Variants in PCDHGA6 observed in about 807,000 individuals in gnomAD.
PCDHGA6 encodes the protein protocadherin gamma subfamily A, 6.
A neutral mutation model predicts 60.6 loss-of-function variants in PCDHGA6; 41 were observed. The ratio of observed to expected loss-of-function variants is 0.68; its 90% CI spans 0.53 to 0.88. The LOEUF is 0.88. Ranked by LOEUF, PCDHGA6 falls within the 40% of genes least tolerant of loss-of-function variation. The probability of loss-of-function intolerance (pLI) is 0.00; values close to 1 mark genes in which losing one functional copy is unlikely to be tolerated. For synonymous variants in PCDHGA6, 594 were observed against 524.4 expected, an observed-to-expected ratio of 1.13 and a Z score of -1.81; for missense variants, 1,312 against 1,203.0, an observed-to-expected ratio of 1.09 and a Z score of -1.34.
chr5:141,492,106 C>T (rs1265796740), intron 1 of PCDHGA6, among the ~76,000 whole-genome samples: 2 of 152,238 alleles, frequency 1.3e-5, no homozygotes, highest in South Asian at 2.1e-4. Flanking sequence ...TGTAGATTTC[C>T]TCTTCGATTT....
chr5:141,474,703 C>A (rs2099353282), intron 1 of PCDHGA6, among the ~76,000 whole-genome samples: 1 of 152,188 alleles, frequency 6.6e-6, no homozygotes, highest in African/African-American at 2.4e-5. Flanking sequence ...GTTCAAGGTT[C>A]TATTATACTT....
At chr5:141,479,855 C>T (rs1330076788) in intron 1 of PCDHGA6, among the ~76,000 whole-genome samples, 2 of 152,128 alleles carry the variant, frequency 1.3e-5, no homozygotes, top group Non-Finnish European at 2.9e-5. Context: ...ACTGCAAGGC[C>T]TTTGCCCTGG....
At chr5:141,438,334 A>G (rs756299924) in intron 1 of PCDHGA6, among the ~76,000 whole-genome samples, 6 of 151,946 alleles carry the variant, frequency 3.9e-5, no homozygotes, top group Non-Finnish European at 7.4e-5. Context: ...TATACATGTC[A>G]TATAAGGATC....
intron 1 of PCDHGA6, chr5:141,426,664 A>G (rs886265350): frequency 2.3e-6 from 1 of 429,248 alleles, no homozygotes; most frequent in Admixed American, 2.5e-5. Flanking sequence ...GATATAAATG[A>G]TAACCCACCT....
At chr5:141,418,830 G>T (rs371820904) in intron 1 of PCDHGA6, 44 of 1,613,858 alleles carry the variant, frequency 2.7e-5, no homozygotes, top group Non-Finnish European at 3.6e-5. Flanking sequence ...GCAAAAGACC[G>T]AGGATCTCTC....
intron 2 of PCDHGA6, among the ~76,000 whole-genome samples, chr5:141,504,351 G>C (rs77439649): frequency 0.021 from 3,233 of 152,120 alleles, 109 homozygotes; most frequent in African/African-American, 0.075. Context: ...CTTTGTGCTA[G>C]GTGCTTCAGT....
chr5:141,411,573 GA>G (rs2095500797), intron 1 of PCDHGA6: 1 of 152,244 alleles, frequency 6.6e-6, no homozygotes, highest in Middle Eastern at 3.4e-3. Flanking sequence ...GACAGAGTGC[GA>G]CCCTGTCTCT....
In PCDHGA6 at chr5:141,375,470, G is replaced by A. The variant is rs1771485342; in HGVS notation, c.1387G>A (p.Glu463Lys). The A allele has an allele frequency of 6.2e-7, 1 of 1,613,784 alleles. No individual in the cohort carries two copies. Among genetic ancestry groups the A allele is most frequent in the Admixed American group, 1.7e-5 (1 of 60,002 alleles). Residue 463 changes from glutamate to lysine, a missense_variant, in exon 1 of 4, where the codon GAA (glutamate) becomes AAA (lysine). Transcript: ENST00000517434. ...TTCATCCTACTCAGTCTATGTCCTT[G>A]AAAACAACCCCAGGGGTGCCTCCAT... ...PHSSYSVYVL[E>K]NNPRGASIFS...
intron 1 of PCDHGA6, chr5:141,392,660 C>A: frequency 1.3e-6 from 1 of 797,246 alleles, no homozygotes; most frequent in Non-Finnish European, 1.9e-6. Flanking sequence ...GCAGATGCCA[C>A]AAACTAACTG....
At chr5:141,399,092 G>T (rs573118488) in intron 1 of PCDHGA6, 2 of 1,613,810 alleles carry the variant, frequency 1.2e-6, no homozygotes, top group Non-Finnish European at 1.7e-6. Context: ...GATGGTGGTG[G>T]ACTGGTTGCA....
chr5:141,388,659 A>C (rs777197911), intron 1 of PCDHGA6: 1 of 1,613,882 alleles, frequency 6.2e-7, no homozygotes, highest in East Asian at 2.2e-5. Flanking sequence ...GTACCCGGGG[A>C]CCACGGTGCT....
chr5:141,472,079 G>T (rs2099271048), intron 1 of PCDHGA6, among the ~76,000 whole-genome samples: 1 of 152,124 alleles, frequency 6.6e-6, no homozygotes, highest in African/African-American at 2.4e-5. Flanking sequence ...TTATATCAAT[G>T]AGTACTATTA....
chr5:141,421,831 G>C lies in PCDHGA6; in HGVS notation c.2424+45324G>C, dbSNP rs201283981. ...AGAGCTAGTACTGGAGGGAAGCCTG[G>C]ACCGAGAGAAAGAGGCTGCTCACCT... On this transcript the variant is annotated intron_variant, in intron 1 of 3. Transcript: ENST00000517434. 68 of 1,613,784 alleles carry C rather than the reference G, an allele frequency of 4.2e-5. 1 individual carries two copies. The East Asian group carries it at 1.4e-3, about 33-fold the overall frequency.
intron 1 of PCDHGA6, among the ~76,000 whole-genome samples, chr5:141,437,431 A>G (rs1282194918): frequency 6.6e-6 from 1 of 152,234 alleles, no homozygotes; most frequent in African/African-American, 2.4e-5. Flanking sequence ...TGAAGCAGCA[A>G]TAGCATAGGA....
intron 1 of PCDHGA6, chr5:141,492,069 C>A (rs1595083522): frequency 2.1e-6 from 1 of 475,880 alleles, no homozygotes; most frequent in East Asian, 3.3e-5. Context: ...GCCTCCTAGG[C>A]GCCGGCTCCG....
intron 1 of PCDHGA6, chr5:141,426,795 C>G (rs1214340018): frequency 2.2e-6 from 1 of 456,700 alleles, no homozygotes. Context: ...GAGTTACCAG[C>G]TCAGTTCTAA....
Position 141,485,220 on chromosome 5 carries a change from C to T in PCDHGA6, c.2425-9587C>T. The T allele has an allele frequency of 6.2e-7, 1 of 1,614,192 alleles. No homozygotes were observed. The highest frequency in any genetic ancestry group is 8.5e-7 in the Non-Finnish European group (1 of 1,180,024). On this transcript the variant is annotated intron_variant, in intron 1 of 3. Transcript: ENST00000517434. This position sits in a 1 kb window ranked among gnomAD's most constrained non-coding sequence, Gnocchi z 5.7. ...TGGACAGAAATCTGGCGGTGGGCTA[C>T]CCTTTTGTTCCTCTTTTACCACCTG... is the stretch of plus-strand genomic sequence containing the variant.
intron 1 of PCDHGA6, among the ~76,000 whole-genome samples, chr5:141,484,821 G>A (rs1367529999): frequency 6.6e-6 from 1 of 152,122 alleles, no homozygotes; most frequent in Admixed American, 6.5e-5. Context: ...CGTTGAGCGG[G>A]AGGAAGGCGA....
rs953182246 is a variant in PCDHGA6, at chr5:141,511,757, C to T, written c.*584C>T. ...CTCAAGTTTTGGAGGACATGATCAC[C>T]ATCCCCATGGTACTGATGCTTGCTG... is the stretch of plus-strand genomic sequence containing the variant. On this transcript the variant is annotated 3_prime_UTR_variant, in exon 4 of 4. Coordinates refer to ENST00000517434, the MANE Select transcript of PCDHGA6 (RefSeq NM_018919.3). The T allele has an allele frequency of 6.9e-5, 12 of 174,122 alleles. No individual in the cohort carries two copies. The highest frequency in any genetic ancestry group is 2.8e-4 in the African/African-American group (12 of 42,412). The allele number at this position is 174,122 out of a possible 1,614,324, so 10.8% of individuals were successfully genotyped here.
Sources: gnomAD v4.1 joint callset for allele counts (sites outside exome capture counted in the v4.1 genomes callset) on GRCh38, gnomAD v4.1.1 for gene constraint, Gnocchi (gnomAD v3.1) non-coding constraint, MANE v1.5 for transcripts, NCBI Gene and HGNC (gene_info 2026-07-23, HGNC 2026-07-21) for gene names.